KIAA2012: variants seen among roughly 807,000 people sequenced by gnomAD.
The protein encoded by KIAA2012 is uncharacterized protein KIAA2012.
A neutral mutation model predicts 150.6 loss-of-function variants in KIAA2012; 125 were observed. The ratio of observed to expected loss-of-function variants is 0.83; its 90% confidence interval spans 0.72 to 0.96. The LOEUF (loss-of-function observed/expected upper bound fraction) is 0.96, where lower values mean the gene tolerates loss of function less well. KIAA2012 is among the 40% of genes least tolerant of loss of function. KIAA2012 has a pLI of 0.00. For missense variants in KIAA2012, 1,219 were observed against 1,354.9 expected (o/e 0.90, Z 1.57); for synonymous variants, 462 against 504.7 (o/e 0.92, Z 1.13).
chr2:202,202,609 G>A lies in KIAA2012; in HGVS notation c.*20+22G>A, dbSNP rs572826464. ...AAAAGTAAGTTGGGAGATGGTGAAA[G>A]AAAAGGAGAAATTCCCCTTTATAAT... On this transcript the variant is annotated intron_variant, in intron 23 of 23. Transcript: ENST00000498697. 9 of 398,732 alleles carry A rather than the reference G, an allele frequency of 2.3e-5. No individual in the cohort carries two copies. The East Asian group carries it at 3.2e-4, about 14-fold the overall frequency. The allele number at this position is 398,732 out of a possible 1,614,324, so 24.7% of individuals were successfully genotyped here.
At chr2:202,135,075 C>G (rs1021695387) in intron 12 of KIAA2012, among the ~76,000 whole-genome samples, 3 of 152,188 alleles carry the variant, frequency 2.0e-5, no homozygotes, top group African/African-American at 7.2e-5. Flanking sequence ...AGGGTCATCT[C>G]TAAAACTGCC....
At position 202,103,134 on chromosome 2, in the gene KIAA2012, G is replaced by A. The variant is rs1049111363; in HGVS notation, c.1324+20G>A. ...GAAGAGGTAGGTCCCGGGTGCATGGGCACTCCTGAGGGAGAGCCTGGGATG... is the reference window on the plus strand; with the variant it reads ...GAAGAGGTAGGTCCCGGGTGCATGGACACTCCTGAGGGAGAGCCTGGGATG... On this transcript the variant is annotated intron_variant, in intron 8 of 23. Transcript: ENST00000498697. 6.5e-7 allele frequency: 1 copy of A among 1,549,264 alleles called. No individual in the cohort carries two copies. The highest frequency in any genetic ancestry group is 8.7e-7 in the Non-Finnish European group (1 of 1,146,676).
At chr2:202,088,593 G>A (rs1210077827) in intron 2 of KIAA2012, among the ~76,000 whole-genome samples, 1 of 152,168 alleles carries the variant, frequency 6.6e-6, no homozygotes, top group Admixed American at 6.5e-5. Context: ...AGGGTGGGCA[G>A]GGAGTGAGAG....
chr2:202,157,364 C>T (rs1470393073), intron 14 of KIAA2012, among the ~76,000 whole-genome samples: 1 of 152,208 alleles, frequency 6.6e-6, no homozygotes, highest in Non-Finnish European at 1.5e-5. Flanking sequence ...TGGAAACCAA[C>T]TCATCCTATA....
intron 15 of KIAA2012, among the ~76,000 whole-genome samples, chr2:202,182,904 A>AT (rs1427116285): frequency 4.0e-5 from 6 of 151,862 alleles, no homozygotes; most frequent in South Asian, 2.1e-4. Context: ...CTTCTTTATG[A>AT]TTTTTTTTGT....
chr2:202,126,617 A>G (rs1437195498), intron 12 of KIAA2012, among the ~76,000 whole-genome samples: 1 of 146,252 alleles, frequency 6.8e-6, no homozygotes, highest in Non-Finnish European at 1.5e-5. Context: ...AATGATGATG[A>G]TGGTGGTGGT....
intron 10 of KIAA2012, 34 bp downstream of exon 10, chr2:202,109,823 C>T (rs1475946105): frequency 2.0e-6 from 3 of 1,495,276 alleles, no homozygotes; most frequent in African/African-American, 2.8e-5. Flanking sequence ...ACGCCCCCCA[C>T]TGGCTTGAAT....
chr2:202,124,977 G>A (rs989580093), intron 11 of KIAA2012, among the ~76,000 whole-genome samples: 1 of 152,232 alleles, frequency 6.6e-6, no homozygotes, highest in African/African-American at 2.4e-5. Context: ...GGTTGAGGCA[G>A]AAGAATTGCT....
rs1319450620 is a variant in KIAA2012, at chr2:202,099,478, CTTAT to C, written c.829-132_829-129del. 5 of 638,578 alleles carry C rather than the reference CTTAT, an allele frequency of 7.8e-6. No homozygotes were observed. The Admixed American group carries it at 1.3e-4, about 17-fold the overall frequency. The allele number at this position is 638,578 out of a possible 1,614,324, so 39.6% of individuals were successfully genotyped here. A position where few individuals can be genotyped will look rare whatever the true frequency, so the allele number is the denominator to read the frequency against. On this transcript the variant is annotated intron_variant, in intron 5 of 23. Coordinates refer to ENST00000498697, the MANE Select transcript of KIAA2012 (RefSeq NM_001277372.4). ...GCATTAAAGAGCTTGCTGTTATAAC[CTTAT>C]TTTTCTTCCCAACCTGCAAAAGAAA...
Position 202,099,765 on chromosome 2 carries a change from C to T in KIAA2012, c.981C>T (p.Gly327=), listed in dbSNP as rs760293111. ...AATCCCACATTACATTCTGTGGAGG[C>T]GCCTTCCCTAATAGGAAGGCAGATC... ...SDKSHITFCG[G]AFPNRKADLS... is the part of the protein sequence containing the mutation. The change falls in exon 6 of 24, where the codon GGC becomes GGT. Residue 327 remains glycine, a synonymous_variant. Transcript: ENST00000498697. 5 of 1,550,210 alleles carry T rather than the reference C, an allele frequency of 3.2e-6. No individual in the cohort carries two copies. In the South Asian group the frequency reaches 3.6e-5, roughly 11 times the overall value.
chr2:202,136,948 GT>G (rs1272857708), intron 12 of KIAA2012: 1 of 152,338 alleles, frequency 6.6e-6, no homozygotes, highest in Non-Finnish European at 1.5e-5. Context: ...CACCTCCCGG[GT>G]TCAGGTGATT....
chr2:202,080,549 A>G (rs1393589348), intron 2 of KIAA2012, among the ~76,000 whole-genome samples: 1 of 152,096 alleles, frequency 6.6e-6, no homozygotes, highest in Admixed American at 6.6e-5. Context: ...CAAAAAAATT[A>G]GCCAGGCGTG....
intron 15 of KIAA2012, among the ~76,000 whole-genome samples, chr2:202,172,530 C>G (rs922578133): frequency 6.6e-6 from 1 of 152,198 alleles, no homozygotes; most frequent in Non-Finnish European, 1.5e-5. Flanking sequence ...TCGTGCATGA[C>G]AACTAATTAT....
rs1427834816 is a variant in KIAA2012, at chr2:202,205,145, G to C, written c.*168G>C. The C allele has an allele frequency of 1.3e-5, 2 of 152,190 alleles. No homozygotes were observed. The highest frequency in any genetic ancestry group is 2.4e-5 in the African/African-American group (1 of 41,452). The allele number at this position is 152,190 out of a possible 1,614,324, so 9.4% of individuals were successfully genotyped here. On this transcript the variant is annotated 3_prime_UTR_variant, in exon 24 of 24. Coordinates refer to ENST00000498697, the MANE Select transcript of KIAA2012 (RefSeq NM_001277372.4). ...GCTAACCAGATAAGCACACATTTAA[G>C]TTAACCATATCAGAGTGCAATGCAT...
Position 202,100,164 on chromosome 2 carries a change from C to A in KIAA2012, c.1013-143C>A, listed in dbSNP as rs890796519. The A allele has an allele frequency of 5.9e-6, 5 of 843,092 alleles. No homozygotes were observed. The African/African-American group carries it at 6.9e-5, about 12-fold the overall frequency. 52.2% of individuals were successfully genotyped at this position (843,092 alleles called of 1,614,324 possible). On this transcript the variant is annotated intron_variant, in intron 6 of 23. Coordinates refer to ENST00000498697, the MANE Select transcript of KIAA2012 (RefSeq NM_001277372.4). Reference sequence around the variant, plus strand: ...AGACTGGGGCTCTCTGAACCTGCCTCCCCCAAAGCTAGGGCTGTCCCAGTG... The same window carrying A: ...AGACTGGGGCTCTCTGAACCTGCCTACCCCAAAGCTAGGGCTGTCCCAGTG...
At chr2:202,179,867 T>C (rs1692081995) in intron 15 of KIAA2012, 1 of 652,312 alleles carries the variant, frequency 1.5e-6, no homozygotes, top group Non-Finnish European at 2.8e-6. Context: ...CATACAGCCA[T>C]GTTAACCCTA....
intron 13 of KIAA2012, among the ~76,000 whole-genome samples, chr2:202,142,035 G>A (rs1399888868): frequency 6.6e-6 from 1 of 151,956 alleles, no homozygotes; most frequent in Non-Finnish European, 1.5e-5. Context: ...AGAACCAGGA[G>A]AAAAATAAAC....
chr2:202,076,932 T>A, intron 2 of KIAA2012: 1 of 456,434 alleles, frequency 2.2e-6, no homozygotes, highest in South Asian at 1.6e-5. Context: ...TGGCTTCTAG[T>A]TGAATTTGCC....
intron 2 of KIAA2012, among the ~76,000 whole-genome samples, chr2:202,090,556 T>C (rs772263740): frequency 2.0e-5 from 3 of 152,258 alleles, no homozygotes; most frequent in Non-Finnish European, 2.9e-5. Context: ...TCATTTCTCC[T>C]TCTGCTTCCA....
Sources: gnomAD v4.1 joint callset for allele counts (sites outside exome capture counted in the v4.1 genomes callset) on GRCh38, gnomAD v4.1.1 for gene constraint, MANE v1.5 for transcripts, NCBI Gene and HGNC (gene_info 2026-07-23, HGNC 2026-07-21) for gene names.